FCRL1: variants seen among roughly 807,000 people sequenced by gnomAD.
FCRL1 encodes the protein Fc receptor like 1.
FCRL1 carries 34 observed loss-of-function variants against 49.2 expected under a neutral mutation model. The ratio of observed to expected loss-of-function variants is 0.69; its 90% confidence interval spans 0.53 to 0.92. FCRL1 has a LOEUF of 0.92. Among genes scored for constraint, FCRL1 ranks in the 40% least tolerant of loss-of-function variants. The pLI, the probability that FCRL1 is intolerant of heterozygous loss-of-function variation, is 0.00. For missense variants in FCRL1, 524 were observed against 524.1 expected, an observed-to-expected ratio of 1.00 and a Z score of 0.00; for synonymous variants, 218 against 201.6, an observed-to-expected ratio of 1.08 and a Z score of -0.69.
At chr1:157,803,225 G>T (rs1156524305) in intron 3 of FCRL1, among the ~76,000 whole-genome samples, 2 of 152,154 alleles carry the variant, frequency 1.3e-5, no homozygotes, top group Non-Finnish European at 2.9e-5. Flanking sequence ...CACCAGTATT[G>T]AGTTTTTAGC....
intron 1 of FCRL1, among the ~76,000 whole-genome samples, chr1:157,816,119 A>G (rs1464142283): frequency 4.6e-5 from 7 of 152,000 alleles, no homozygotes; most frequent in African/African-American, 1.4e-4. Context: ...TATTACTTTG[A>G]TGCCAAAACC....
At chr1:157,816,822 T>TAGAC (rs1553220736) in intron 1 of FCRL1, among the ~76,000 whole-genome samples, 1 of 148,994 alleles carries the variant, frequency 6.7e-6, no homozygotes, top group Admixed American at 6.6e-5. Flanking sequence ...GATAGATAGA[T>TAGAC]AGACAAAATA....
At position 157,803,888 on chromosome 1, in the gene FCRL1, C is replaced by A; in HGVS notation, c.276G>T (p.Ala92=). 1.2e-6 allele frequency: 2 copies of A among 1,614,208 alleles called. No homozygotes were observed. Among genetic ancestry groups the A allele is most frequent in the Non-Finnish European group, 1.7e-6 (2 of 1,180,036 alleles). ...ATCTCCTGCTCCTCAAGACTTTGGA[C>A]GCCATTGTCTGTGCCTCGCACCAGT... ...GSYWCEAQTM[A]SKVLRSRRSQ... is the part of the protein sequence containing the mutation. Residue 92 remains alanine, a synonymous_variant, in exon 3 of 11, where the codon GCG becomes GCT. Coordinates refer to ENST00000368176, the MANE Select transcript of FCRL1 (RefSeq NM_052938.5).
At chr1:157,808,745 G>C (rs1324365331) in intron 1 of FCRL1, among the ~76,000 whole-genome samples, 1 of 152,200 alleles carries the variant, frequency 6.6e-6, no homozygotes, top group Non-Finnish European at 1.5e-5. Flanking sequence ...ATTTAGTGTA[G>C]GAGAGTAAAG....
At position 157,794,530 on chromosome 1, in the gene FCRL1, A is replaced by G. The variant is rs1651215766; in HGVS notation, c.*1569T>C. 6.6e-6 allele frequency: 1 copy of G among 152,248 alleles called. No homozygotes were observed. The highest frequency in any genetic ancestry group is 2.1e-4 in the South Asian group (1 of 4,830). 9.4% of individuals were successfully genotyped at this position (152,248 alleles called of 1,614,324 possible). On this transcript the variant is annotated 3_prime_UTR_variant, in exon 11 of 11. Transcript: ENST00000368176. ...ATTGATACAGCCTTACCTGAGAGACATTGAAGACTATTTAACAAGAATATT... is the reference window on the plus strand; with the variant it reads ...ATTGATACAGCCTTACCTGAGAGACGTTGAAGACTATTTAACAAGAATATT...
At chr1:157,814,056 A>T (rs1289354142) in intron 1 of FCRL1, among the ~76,000 whole-genome samples, 11 of 152,202 alleles carry the variant, frequency 7.2e-5, no homozygotes, top group Non-Finnish European at 1.2e-4. Context: ...ATTCAAGACC[A>T]CTAGACAAGC....
At position 157,795,476 on chromosome 1, in the gene FCRL1, T is replaced by C. The variant is rs1263337841; in HGVS notation, c.*623A>G. 2 of 152,260 alleles carry C rather than the reference T, an allele frequency of 1.3e-5. No individual in the cohort carries two copies. The highest frequency in any genetic ancestry group is 2.9e-5 in the Non-Finnish European group (2 of 68,054). 9.4% of individuals were successfully genotyped at this position (152,260 alleles called of 1,614,324 possible). A position where few individuals can be genotyped will look rare whatever the true frequency, so the allele number is the denominator to read the frequency against. ...GCTTCTAGGGGCTGTAATAGATACA[T>C]AATTTTGGATGTGGTATAGGTTGGC... is the stretch of plus-strand genomic sequence containing the variant. On this transcript the variant is annotated 3_prime_UTR_variant, in exon 11 of 11. Transcript: ENST00000368176.
At chr1:157,800,195 A>C in intron 6 of FCRL1, 110 bp from the exon 7 acceptor site, 1 of 955,552 alleles carries the variant, frequency 1.0e-6, no homozygotes, top group South Asian at 1.9e-5. Flanking sequence ...TCAGATGCCC[A>C]TTGTGGGTGC....
intron 1 of FCRL1, among the ~76,000 whole-genome samples, chr1:157,811,114 G>T (rs1220959980): frequency 6.6e-6 from 1 of 152,102 alleles, no homozygotes; most frequent in African/African-American, 2.4e-5. Context: ...CAGAAAACTT[G>T]TGTAGTAAAT....
Position 157,795,995 on chromosome 1 carries a change from A to G in FCRL1, c.*104T>C. On this transcript the variant is annotated 3_prime_UTR_variant, in exon 11 of 11. Coordinates refer to ENST00000368176, the MANE Select transcript of FCRL1 (RefSeq NM_052938.5). ...TAGTGCCATGGAGAATGGCATCCAGAAGAGGTATACTGGAAAGCTAATGCC... is the reference window on the plus strand; with the variant it reads ...TAGTGCCATGGAGAATGGCATCCAGGAGAGGTATACTGGAAAGCTAATGCC... 2.1e-6 allele frequency: 2 copies of G among 939,356 alleles called. No homozygotes were observed. Among genetic ancestry groups the G allele is most frequent in the Non-Finnish European group, 3.5e-6 (2 of 577,118 alleles). The allele number at this position is 939,356 out of a possible 1,614,324, so 58.2% of individuals were successfully genotyped here. A position where few individuals can be genotyped will look rare whatever the true frequency, so the allele number is the denominator to read the frequency against.
Position 157,802,364 on chromosome 1 carries a change from T to C in FCRL1, c.607+13A>G. ...TGTGACTGGCTGGCTGAACGAAGGG[T>C]AGTGGAACTTACTTCTGACAGTGAT... On this transcript the variant is annotated intron_variant, in intron 4 of 10. Coordinates refer to ENST00000368176, the MANE Select transcript of FCRL1 (RefSeq NM_052938.5). The C allele has an allele frequency of 1.2e-6, 2 of 1,612,386 alleles. No homozygotes were observed. The highest frequency in any genetic ancestry group is 1.7e-6 in the Non-Finnish European group (2 of 1,179,018).
At chr1:157,815,696 C>T (rs1460152853) in intron 1 of FCRL1, among the ~76,000 whole-genome samples, 8 of 151,476 alleles carry the variant, frequency 5.3e-5, no homozygotes, top group African/African-American at 1.9e-4. Context: ...ACAAAATTGA[C>T]AAACTAGCTA....
At chr1:157,814,331 T>C (rs1265077947) in intron 1 of FCRL1, among the ~76,000 whole-genome samples, 1 of 151,996 alleles carries the variant, frequency 6.6e-6, no homozygotes, top group Non-Finnish European at 1.5e-5. Flanking sequence ...GCAACAAAAA[T>C]ATAAATAATG....
At chr1:157,808,808 A>G (rs1346784542) in intron 1 of FCRL1, among the ~76,000 whole-genome samples, 1 of 152,248 alleles carries the variant, frequency 6.6e-6, no homozygotes, top group African/African-American at 2.4e-5. Flanking sequence ...AGACTTTAGT[A>G]TAAATTCTGA....
At position 157,794,918 on chromosome 1, in the gene FCRL1, TTAGA is replaced by T. The variant is rs1169514995; in HGVS notation, c.*1177_*1180del. The T allele has an allele frequency of 1.3e-5, 2 of 152,332 alleles. No homozygotes were observed. The highest frequency in any genetic ancestry group is 3.4e-3 in the Middle Eastern group (1 of 294). The allele number at this position is 152,332 out of a possible 1,614,324, so 9.4% of individuals were successfully genotyped here. A position where few individuals can be genotyped will look rare whatever the true frequency, so the allele number is the denominator to read the frequency against. On this transcript the variant is annotated 3_prime_UTR_variant, in exon 11 of 11. Transcript: ENST00000368176. ...TTTGAAAGTATTTCATAATAGTTTG[TTAGA>T]TAGGTACACTTCTAAATGTTTATAT...
intron 2 of FCRL1, among the ~76,000 whole-genome samples, chr1:157,805,268 G>A (rs1242213745): frequency 6.6e-6 from 1 of 152,160 alleles, no homozygotes. Flanking sequence ...GCTATGGGCT[G>A]TGTGGGCATT....
intron 1 of FCRL1, among the ~76,000 whole-genome samples, chr1:157,816,825 A>T (rs948024892): frequency 6.6e-6 from 1 of 151,528 alleles, no homozygotes; most frequent in Non-Finnish European, 1.5e-5. Context: ...AGATAGATAG[A>T]CAAAATATGT....
chr1:157,797,179 T>C (rs779558199), intron 9 of FCRL1, 47 bp from the exon 10 acceptor site: 3 of 1,576,336 alleles, frequency 1.9e-6, no homozygotes, highest in African/African-American at 1.3e-5. Flanking sequence ...ATATTTAAAG[T>C]CCTTCACTAA....
chr1:157,810,769 C>A (rs1206344236), intron 1 of FCRL1, among the ~76,000 whole-genome samples: 2 of 151,938 alleles, frequency 1.3e-5, no homozygotes, highest in Admixed American at 1.3e-4. Flanking sequence ...GCAAAGACAG[C>A]AATTCACTGA....
Sources: gnomAD v4.1 joint callset for allele counts (sites outside exome capture counted in the v4.1 genomes callset) on GRCh38, gnomAD v4.1.1 for gene constraint, MANE v1.5 for transcripts, NCBI Gene and HGNC (gene_info 2026-07-23, HGNC 2026-07-21) for gene names.